Variants in FANCL observed in about 807,000 individuals in gnomAD.
FANCL encodes the protein E3 ubiquitin-protein ligase FANCL.
In FANCL, 69 loss-of-function variants were observed where a neutral mutation model predicts 59.4. The ratio of observed to expected loss-of-function variants is 1.16; its 90% CI spans 0.96 to 1.42. FANCL has a LOEUF of 1.42. Among genes scored for constraint, FANCL ranks in the 40% most tolerant of loss-of-function variants. The pLI, the probability that FANCL is intolerant of heterozygous loss-of-function variation, is 0.00. For synonymous variants in FANCL, 180 were observed against 147.1 expected, an observed-to-expected ratio of 1.22 and a Z score of -1.62; for missense variants, 519 against 447.2, an observed-to-expected ratio of 1.16 and a Z score of -1.45.
At chr2:58,221,548 T>A (rs918642770) in intron 5 of FANCL, among the ~76,000 whole-genome samples, 4 of 152,168 alleles carry the variant, frequency 2.6e-5, no homozygotes, top group African/African-American at 9.7e-5. Context: ...ATATGTAAAT[T>A]TAGACATGCC....
At chr2:58,171,970 C>T (rs776891156) in intron 7 of FANCL, among the ~76,000 whole-genome samples, 1 of 152,206 alleles carries the variant, frequency 6.6e-6, no homozygotes, top group Non-Finnish European at 1.5e-5. Flanking sequence ...CTTGGAGAGT[C>T]CTACGCCCAC....
intron 7 of FANCL, among the ~76,000 whole-genome samples, chr2:58,185,630 A>C (rs1688324653): frequency 6.6e-6 from 1 of 152,208 alleles, no homozygotes; most frequent in Non-Finnish European, 1.5e-5. Context: ...AATGAGTCAA[A>C]GACCCCGATA....
chr2:58,219,156 AAAAAAAAAAAAAAAAATATATAT>A (rs1692164838), intron 5 of FANCL, among the ~76,000 whole-genome samples: 1 of 93,136 alleles, frequency 1.1e-5, no homozygotes, highest in African/African-American at 6.2e-5. Context: ...AAAAAAAAAA[AAAAAAAAAAAAAAAAATATATAT>A]ATATATATAT....
chr2:58,174,130 C>G (rs1345562611), intron 7 of FANCL, among the ~76,000 whole-genome samples: 3 of 152,168 alleles, frequency 2.0e-5, no homozygotes, highest in Admixed American at 6.5e-5. Context: ...CACCCAGATT[C>G]ATAAAACAAG....
intron 6 of FANCL, among the ~76,000 whole-genome samples, chr2:58,200,772 T>C (rs1689926069): frequency 6.6e-6 from 1 of 151,784 alleles, no homozygotes; most frequent in African/African-American, 2.4e-5. Flanking sequence ...TTAGAGTAAA[T>C]ATATGATCCT....
At chr2:58,173,486 A>G (rs1479955344) in intron 7 of FANCL, among the ~76,000 whole-genome samples, 1 of 152,226 alleles carries the variant, frequency 6.6e-6, no homozygotes, top group Non-Finnish European at 1.5e-5. Context: ...AATATTCAAC[A>G]TTCTTAAAGA....
Position 58,232,570 on chromosome 2 carries a change from A to T in FANCL, c.97-458T>A, listed in dbSNP as rs150352205. Among the ~76,000 whole-genome samples, 247 of 152,208 alleles carry T rather than the reference A, an allele frequency of 1.6e-3. 1 individual carries two copies. The highest frequency in any genetic ancestry group is 3.7e-3 in the Admixed American group (56 of 15,292). ...TCAGCTTACTTTCTAAATTTTAATA[A>T]AATGAAAATATATTTAGTTACACAA... is the stretch of plus-strand genomic sequence containing the variant. On this transcript the variant is annotated intron_variant, in intron 1 of 13. Transcript: ENST00000233741.
intron 5 of FANCL, among the ~76,000 whole-genome samples, chr2:58,215,478 C>G (rs72948870): frequency 0.02 from 2,995 of 152,060 alleles, 113 homozygotes; most frequent in African/African-American, 0.069. Context: ...CAGTGAACAA[C>G]TAAAGTAGGC....
At chr2:58,227,753 C>A (rs1693165810) in intron 3 of FANCL, among the ~76,000 whole-genome samples, 1 of 152,136 alleles carries the variant, frequency 6.6e-6, no homozygotes, top group Non-Finnish European at 1.5e-5. Context: ...AAATGCCTGT[C>A]CTCACCTAGG....
intron 7 of FANCL, among the ~76,000 whole-genome samples, chr2:58,174,079 G>A (rs542152857): frequency 0.025 from 3,782 of 151,798 alleles, 157 homozygotes; most frequent in African/African-American, 0.087. Flanking sequence ...TTCAACAAGA[G>A]GAGCTAACTA....
intron 4 of FANCL, among the ~76,000 whole-genome samples, 199 bp downstream of exon 4, chr2:58,226,529 G>T (rs1693017191): frequency 6.6e-6 from 1 of 152,048 alleles, no homozygotes; most frequent in Admixed American, 6.5e-5. Flanking sequence ...TACAATCAAA[G>T]AGGTTCCTTC....
chr2:58,173,153 A>G (rs1686858487), intron 7 of FANCL, among the ~76,000 whole-genome samples: 1 of 152,204 alleles, frequency 6.6e-6, no homozygotes, highest in Non-Finnish European at 1.5e-5. Flanking sequence ...GACCAAACCT[A>G]CGTCTGATTT....
At chr2:58,223,905 A>G (rs1044865466) in intron 4 of FANCL, among the ~76,000 whole-genome samples, 1 of 151,924 alleles carries the variant, frequency 6.6e-6, no homozygotes, top group African/African-American at 2.4e-5. Flanking sequence ...TTTATTGGTG[A>G]TTATAGTATA....
intron 5 of FANCL, among the ~76,000 whole-genome samples, chr2:58,219,942 A>G (rs1395391912): frequency 7.2e-5 from 11 of 152,180 alleles, no homozygotes; most frequent in Admixed American, 7.2e-4. Flanking sequence ...TGCATATCTT[A>G]GGACTATTTC....
At chr2:58,230,295 T>A (rs1182926280) in intron 2 of FANCL, among the ~76,000 whole-genome samples, 1 of 152,106 alleles carries the variant, frequency 6.6e-6, no homozygotes, top group East Asian at 1.9e-4. Context: ...ACTAAAAGGA[T>A]ACATTTTATT....
intron 5 of FANCL, among the ~76,000 whole-genome samples, chr2:58,212,421 CAG>C (rs149765637): frequency 7.0e-4 from 106 of 152,198 alleles, no homozygotes; most frequent in African/African-American, 2.4e-3. Context: ...GGTGGGGACA[CAG>C]GGGATACAGA....
At chr2:58,165,172 T>C (rs1045488998) in intron 8 of FANCL, among the ~76,000 whole-genome samples, 4 of 152,168 alleles carry the variant, frequency 2.6e-5, no homozygotes, top group Non-Finnish European at 4.4e-5. Flanking sequence ...CATGATAACA[T>C]TGCACAGGTA....
intron 4 of FANCL, among the ~76,000 whole-genome samples, chr2:58,223,499 T>C (rs973734495): frequency 1.3e-5 from 2 of 152,014 alleles, no homozygotes; most frequent in Non-Finnish European, 2.9e-5. Flanking sequence ...CTTAGGTTTA[T>C]GACATTTATA....
intron 12 of FANCL, 74 bp downstream of exon 12, chr2:58,161,448 T>C: frequency 1.1e-6 from 1 of 945,600 alleles, no homozygotes; most frequent in Non-Finnish European, 1.7e-6. Flanking sequence ...TTTTAGATTC[T>C]GTGTATTTCA....
Sources: allele counts gnomAD v4.1 joint callset (sites outside exome capture counted in the v4.1 genomes callset), GRCh38; gene constraint gnomAD v4.1.1; transcripts MANE v1.5; gene names NCBI Gene and HGNC (gene_info 2026-07-23, HGNC 2026-07-21).